The following NUP85 variants were observed in gnomAD, a reference collection of about 807,000 sequenced individuals.
NUP85 encodes nucleoporin 85, also known as nuclear pore complex protein Nup85.
Under a neutral mutation model 92.8 loss-of-function variants are expected in NUP85, and 23 were observed. The observed-to-expected ratio is 0.25, with a 90% CI of 0.18 to 0.35. NUP85 has a LOEUF of 0.35. Ranked by LOEUF, NUP85 falls within the 10% of genes least tolerant of loss-of-function variation. NUP85 has a pLI of 1.00. For missense variants in NUP85, 759 were observed against 822.8 expected (o/e 0.92, Z 0.95); for synonymous variants, 314 against 306.9 (o/e 1.02, Z -0.24).
At position 75,226,074 on chromosome 17, in the gene NUP85, A is replaced by C; in HGVS notation, c.1011A>C (p.Gly337=). 1.2e-6 allele frequency: 2 copies of C among 1,614,020 alleles called. No individual in the cohort carries two copies. The highest frequency in any genetic ancestry group is 1.7e-6 in the Non-Finnish European group (2 of 1,180,000). Residue 337 remains glycine, a synonymous_variant, in exon 11 of 19, where the codon GGA becomes GGC. Transcript: ENST00000245544. ...YAQSSLDLFL[G]GESSPEPLDN... Reference sequence around the variant, plus strand: ...AGTCCAGCCTGGACCTGTTTCTGGGAGGTGAGAGCAGCCCAGAACCCCTGG... The same window carrying C: ...AGTCCAGCCTGGACCTGTTTCTGGGCGGTGAGAGCAGCCCAGAACCCCTGG...
At chr17:75,215,525 T>C (rs1338700688) in intron 5 of NUP85, among the ~76,000 whole-genome samples, 1 of 152,244 alleles carries the variant, frequency 6.6e-6, no homozygotes, top group African/African-American at 2.4e-5. Context: ...ATTTTTGTAA[T>C]GCACAGTAAA....
At position 75,233,146 on chromosome 17, in the gene NUP85, C is replaced by A. The variant is rs752455411; in HGVS notation, c.1603C>A (p.Leu535Met). ...LGPAMMLSDR[L>M]TFLGKYREFH... ...GCCAGCCATGATGCTCAGTGACCGA[C>A]TGACATTCCTGGGTGAGTCTCTGGG... The change falls in exon 16 of 19, where the codon CTG becomes ATG. Residue 535 changes from leucine to methionine, a missense_variant. Coordinates refer to ENST00000245544, the MANE Select transcript of NUP85 (RefSeq NM_024844.5). 1 of 1,614,094 alleles carries A rather than the reference C, an allele frequency of 6.2e-7. No homozygotes were observed. Among genetic ancestry groups the A allele is most frequent in the East Asian group, 2.2e-5 (1 of 44,874 alleles).
In NUP85 at chr17:75,218,319, G is replaced by A. The variant is rs199515893; in HGVS notation, c.597+13G>A. 7.1e-5 allele frequency: 114 copies of A among 1,611,896 alleles called. No homozygotes were observed. Among genetic ancestry groups the A allele is most frequent in the Non-Finnish European group, 9.4e-5 (111 of 1,178,832 alleles). On this transcript the variant is annotated intron_variant, in intron 7 of 18. Transcript: ENST00000245544. ...CTTCTGGAACTTGGTAAGACAGGCC[G>A]GGCCCCCACCTCCCACCATGTGTCC...
Position 75,231,926 on chromosome 17 carries a change from A to G in NUP85, c.1343A>G (p.Gln448Arg), listed in dbSNP as rs770236589. The change falls in exon 14 of 19, where the codon CAG (glutamine) becomes CGG (arginine). Residue 448 changes from glutamine to arginine, a missense_variant. By Grantham distance (43) the Gln-to-Arg change is conservative. Coordinates refer to ENST00000245544, the MANE Select transcript of NUP85 (RefSeq NM_024844.5). The surrounding 1 kb of genome is among the most constrained non-coding windows in gnomAD (Gnocchi z 4.6). ...GAGCGGATACCTCTGAACACCGAGC[A>G]GAAAGCCCTGAAGGTGCTGCGGATC... ...HIERIPLNTE[Q>R]KALKVLRICE... 2 of 1,614,106 alleles carry G rather than the reference A, an allele frequency of 1.2e-6. No homozygotes were observed. Among genetic ancestry groups the G allele is most frequent in the Admixed American group, 3.3e-5 (2 of 60,010 alleles).
chr17:75,223,875 A>T (rs1179636680), intron 7 of NUP85, among the ~76,000 whole-genome samples: 1 of 152,136 alleles, frequency 6.6e-6, no homozygotes, highest in Non-Finnish European at 1.5e-5. Flanking sequence ...TTCTCAACAA[A>T]GTATGTCCAC....
chr17:75,218,287 A>G lies in NUP85; in HGVS notation c.578A>G (p.His193Arg), dbSNP rs766424183. 6 of 1,613,728 alleles carry G rather than the reference A, an allele frequency of 3.7e-6. No individual in the cohort carries two copies. The highest frequency in any genetic ancestry group is 1.3e-5 in the African/African-American group (1 of 75,010). Residue 193 changes from histidine to arginine, a missense_variant, in exon 7 of 19, where the codon CAT (histidine) becomes CGT (arginine). Coordinates refer to ENST00000245544, the MANE Select transcript of NUP85 (RefSeq NM_024844.5). ...CTGGGCAGTGAGAATCCAAGCAAAC[A>G]TGACAGCTTCTGGAACTTGGTAAGA... The part of the protein sequence containing the change: ...DVLGSENPSK[H>R]DSFWNLVTIL...
intron 7 of NUP85, among the ~76,000 whole-genome samples, chr17:75,222,418 T>C (rs2075621733): frequency 6.6e-6 from 1 of 151,494 alleles, no homozygotes; most frequent in Non-Finnish European, 1.5e-5. Context: ...TATACAAAGC[T>C]GGAATTCAGA....
intron 4 of NUP85, among the ~76,000 whole-genome samples, chr17:75,212,616 G>A (rs2075311813): frequency 6.6e-6 from 1 of 151,812 alleles, no homozygotes; most frequent in Admixed American, 6.6e-5. Flanking sequence ...GGGACTGCAG[G>A]TGTGTACTAC....
At chr17:75,233,328 C>T (rs2076151109) in intron 16 of NUP85, among the ~76,000 whole-genome samples, 170 bp downstream of exon 16, 1 of 151,838 alleles carries the variant, frequency 6.6e-6, no homozygotes, top group African/African-American at 2.4e-5. Context: ...GCTGTCACAT[C>T]TCCTTAGTGC....
chr17:75,209,366 T>C (rs1284077783), intron 2 of NUP85, among the ~76,000 whole-genome samples: 2 of 152,196 alleles, frequency 1.3e-5, no homozygotes, highest in Non-Finnish European at 2.9e-5. Flanking sequence ...GATGTGAATC[T>C]TTTTCTTTTC....
At chr17:75,220,519 C>A (rs934643286) in intron 7 of NUP85, among the ~76,000 whole-genome samples, 7 of 151,494 alleles carry the variant, frequency 4.6e-5, no homozygotes, top group Non-Finnish European at 1.0e-4. Context: ...CTCCAGTGGT[C>A]CTCCTACTTT....
At chr17:75,212,173 C>T in intron 4 of NUP85, 111 bp downstream of exon 4, 1 of 572,104 alleles carries the variant, frequency 1.7e-6, no homozygotes, top group Non-Finnish European at 2.9e-6. Context: ...ATATTCCAGT[C>T]CAAAACTTAT....
chr17:75,230,362 GTT>G (rs776931400), intron 11 of NUP85, among the ~76,000 whole-genome samples: 38 of 73,662 alleles, frequency 5.2e-4, no homozygotes, highest in Admixed American at 4.7e-3. Context: ...CATGTTTTTT[GTT>G]TTTTTTTTTT....
At chr17:75,221,996 G>T (rs1386630521) in intron 7 of NUP85, among the ~76,000 whole-genome samples, 1 of 151,856 alleles carries the variant, frequency 6.6e-6, no homozygotes, top group Non-Finnish European at 1.5e-5. Flanking sequence ...AGGCAAACTG[G>T]TATTTAATTT....
chr17:75,232,171 C>G (rs2076088222), intron 14 of NUP85, 192 bp downstream of exon 14: 2 of 625,128 alleles, frequency 3.2e-6, no homozygotes, highest in Admixed American at 3.0e-5. Context: ...TAGGGATCCA[C>G]TGGAACCCAG....
chr17:75,233,425 CTTTTATTTTTTCTTT>C lies in NUP85; in HGVS notation c.1615+272_1615+286del, dbSNP rs1457788742. ...TTTCTCTTTCTTTCTTTCTTCTTTT[CTTTTATTTTTTCTTT>C]TTTTTTTTTTTTGAGACAGAATCTT... On this transcript the variant is annotated intron_variant, in intron 16 of 18. Transcript: ENST00000245544. Among the ~76,000 whole-genome samples the C allele has an allele frequency of 1.6e-4, 14 of 89,322 alleles. 1 individual carries two copies. Among genetic ancestry groups the C allele is most frequent in the African/African-American group, 3.8e-4 (8 of 21,176 alleles). 58.6% of individuals were successfully genotyped at this position (89,322 alleles called of 152,430 possible).
Position 75,233,047 on chromosome 17 carries a change from G to C in NUP85, c.1515-11G>C. The C allele has an allele frequency of 6.2e-7, 1 of 1,613,720 alleles. No individual in the cohort carries two copies. The highest frequency in any genetic ancestry group is 1.1e-5 in the South Asian group (1 of 91,068). On this transcript the variant is annotated splice_polypyrimidine_tract_variant and intron_variant, in intron 15 of 18. Transcript: ENST00000245544. ...AGACTGCTGCTCTGATCTCTGGGCC[G>C]GGCCCTGCAGGTTCCTCAGGGATTA... is the stretch of plus-strand genomic sequence containing the variant.
intron 5 of NUP85, 36 bp from the exon 6 acceptor site, chr17:75,215,718 C>T (rs1435313976): frequency 6.3e-7 from 1 of 1,592,824 alleles, no homozygotes. Flanking sequence ...GCTCAGGAAT[C>T]ATTTCAGGTG....
intron 11 of NUP85, among the ~76,000 whole-genome samples, chr17:75,230,804 C>T (rs1223645782): frequency 2.0e-5 from 3 of 152,148 alleles, no homozygotes; most frequent in Non-Finnish European, 2.9e-5. Context: ...CCTGTAATCT[C>T]AGCTACTGAA....
Sources: allele counts gnomAD v4.1 joint callset (sites outside exome capture counted in the v4.1 genomes callset), GRCh38; gene constraint gnomAD v4.1.1; non-coding constraint Gnocchi (gnomAD v3.1); transcripts MANE v1.5; gene names NCBI Gene and HGNC (gene_info 2026-07-23, HGNC 2026-07-21).